C1QTNF3: variants seen among roughly 807,000 people sequenced by gnomAD.
C1QTNF3 encodes the protein complement C1q tumor necrosis factor-related protein 3.
In C1QTNF3, 26 loss-of-function variants were observed where a neutral mutation model predicts 32.6. That is an observed-to-expected ratio of 0.80 (90% confidence interval 0.58 to 1.11). The LOEUF (loss-of-function observed/expected upper bound fraction) is 1.11. C1QTNF3 is among the 50% of genes least tolerant of loss of function. C1QTNF3 has a pLI of 0.00. For synonymous variants in C1QTNF3, 155 were observed against 146.0 expected (o/e 1.06, Z -0.44); for missense variants, 362 against 398.2 (o/e 0.91, Z 0.77).
chr5:34,175,790 T>C, the C1QTNF3 span: 8 of 715,188 alleles, frequency 1.1e-5, no homozygotes, highest in South Asian at 1.3e-4. Context: ...TGAGGACGGG[T>C]ACATTATCCC....
the C1QTNF3 span, chr5:34,164,623 T>C: frequency 1.3e-5 from 2 of 151,584 alleles, no homozygotes; most frequent in African/African-American, 2.4e-5. Flanking sequence ...TATCGAACAA[T>C]GGCCATGGGT....
the C1QTNF3 span, among the ~76,000 whole-genome samples, chr5:34,073,931 A>G: frequency 1.3e-5 from 2 of 152,192 alleles, no homozygotes; most frequent in Admixed American, 1.3e-4. Context: ...GTTGATTCCT[A>G]TAACCAGGAC....
At chr5:34,168,252 G>A in the C1QTNF3 span, 1 of 151,806 alleles carries the variant, frequency 6.6e-6, no homozygotes, top group Non-Finnish European at 1.5e-5. Context: ...ATAATAGATT[G>A]GGAAATATAT....
chr5:34,140,560 A>G, the C1QTNF3 span, among the ~76,000 whole-genome samples: 10 of 152,378 alleles, frequency 6.6e-5, no homozygotes, highest in South Asian at 2.1e-4. Flanking sequence ...TGATATATGT[A>G]GGTGGTTATG....
At chr5:34,218,826 T>C in the C1QTNF3 span, among the ~76,000 whole-genome samples, 1 of 152,132 alleles carries the variant, frequency 6.6e-6, no homozygotes, top group Admixed American at 6.6e-5. Context: ...TTAAAAGAAT[T>C]AGTATACTAT....
At chr5:34,228,767 C>CT in the C1QTNF3 span, among the ~76,000 whole-genome samples, 12 of 151,940 alleles carry the variant, frequency 7.9e-5, no homozygotes, top group Non-Finnish European at 1.5e-4. Flanking sequence ...TCCTAGTTAA[C>CT]TTTATCTTTT....
At chr5:34,159,071 G>A in the C1QTNF3 span, among the ~76,000 whole-genome samples, 17 of 151,974 alleles carry the variant, frequency 1.1e-4, 1 homozygote, top group Admixed American at 9.2e-4. Flanking sequence ...AAATAAGTCA[G>A]TGCCTTCTGT....
At chr5:34,154,591 A>T in the C1QTNF3 span, among the ~76,000 whole-genome samples, 1 of 152,302 alleles carries the variant, frequency 6.6e-6, no homozygotes, top group East Asian at 1.9e-4. Flanking sequence ...TTTCAGTCAA[A>T]TCAATTGAAT....
the C1QTNF3 span, chr5:34,200,016 TCTTA>T: frequency 6.6e-6 from 1 of 151,334 alleles, no homozygotes; most frequent in African/African-American, 2.4e-5. Flanking sequence ...GACATTCTAC[TCTTA>T]CTTTTACTTT....
At chr5:34,232,504 G>A in the C1QTNF3 span, among the ~76,000 whole-genome samples, 1,238 of 152,262 alleles carry the variant, frequency 8.1e-3, 19 homozygotes, top group African/African-American at 0.027. Flanking sequence ...CTGGGTGGAG[G>A]TGACTGGATC....
chr5:34,045,137 G>C (rs1754966266), upstream of C1QTNF3, among the ~76,000 whole-genome samples: 1 of 152,174 alleles, frequency 6.6e-6, no homozygotes, highest in South Asian at 2.1e-4. Context: ...CCAATTCACA[G>C]GTTTTCCAAG....
the C1QTNF3 span, among the ~76,000 whole-genome samples, chr5:34,115,497 T>G: frequency 1.3e-5 from 2 of 151,962 alleles, no homozygotes; most frequent in Non-Finnish European, 2.9e-5. Flanking sequence ...TTGGGAGGCC[T>G]AGGCGGGAGG....
At chr5:34,200,994 G>A in the C1QTNF3 span, 2 of 151,796 alleles carry the variant, frequency 1.3e-5, no homozygotes, top group Non-Finnish European at 2.9e-5. Flanking sequence ...TAATTATATG[G>A]CAAGAATCTC....
the C1QTNF3 span, among the ~76,000 whole-genome samples, chr5:34,137,009 C>T: frequency 6.6e-6 from 1 of 150,980 alleles, no homozygotes; most frequent in African/African-American, 2.4e-5. Context: ...GGGTGGGGGC[C>T]TGGGGGAGGG....
At chr5:34,072,471 G>T in the C1QTNF3 span, among the ~76,000 whole-genome samples, 4 of 152,240 alleles carry the variant, frequency 2.6e-5, no homozygotes, top group Non-Finnish European at 4.4e-5. Flanking sequence ...GCAAATGATG[G>T]ATCATTTGTA....
chr5:34,161,330 AAAGGTTT>A, the C1QTNF3 span, among the ~76,000 whole-genome samples: 1 of 152,144 alleles, frequency 6.6e-6, no homozygotes, highest in Non-Finnish European at 1.5e-5. Context: ...ATAAAAATAA[AAAGGTTT>A]AAGAGGAAAT....
the C1QTNF3 span, among the ~76,000 whole-genome samples, chr5:34,079,371 T>C: frequency 2.6e-5 from 4 of 151,666 alleles, no homozygotes; most frequent in Non-Finnish European, 5.9e-5. Flanking sequence ...ATGGTCATTC[T>C]ATTTGCAATT....
chr5:34,243,716 G>T, the C1QTNF3 span, among the ~76,000 whole-genome samples: 34 of 151,706 alleles, frequency 2.2e-4, no homozygotes, highest in African/African-American at 6.8e-4. Flanking sequence ...TGCTGGAAAA[G>T]AAAACCAGAT....
the C1QTNF3 span, among the ~76,000 whole-genome samples, chr5:34,083,828 T>C: frequency 3.3e-5 from 5 of 151,898 alleles, no homozygotes; most frequent in African/African-American, 1.2e-4. Flanking sequence ...ATGTGTATAT[T>C]TGTACATGTG....
Sources: gnomAD v4.1 joint callset for allele counts (sites outside exome capture counted in the v4.1 genomes callset) on GRCh38, gnomAD v4.1.1 for gene constraint, MANE v1.5 for transcripts, NCBI Gene and HGNC (gene_info 2026-07-23, HGNC 2026-07-21) for gene names.